SLC25A37: variants seen among roughly 807,000 people sequenced by gnomAD.
SLC25A37 encodes the protein mitoferrin-1.
Under a neutral mutation model 31.0 loss-of-function variants are expected in SLC25A37, and 17 were observed. The observed-to-expected ratio is 0.55, with a 90% confidence interval of 0.38 to 0.82. The LOEUF (loss-of-function observed/expected upper bound fraction) is 0.82. Among genes scored for constraint, SLC25A37 ranks in the 40% least tolerant of loss-of-function variants. SLC25A37 has a pLI of 0.00. For missense variants in SLC25A37, 404 were observed against 465.8 expected (o/e 0.87, Z 1.22); for synonymous variants, 222 against 193.0 (o/e 1.15, Z -1.24).
rs1802824246 is a variant in SLC25A37 at position 23,571,316 on chromosome 8, C to T, written c.497-19C>T. 1.3e-6 allele frequency: 2 copies of T among 1,532,586 alleles called. No homozygotes were observed. The highest frequency in any genetic ancestry group is 2.0e-5 in the Admixed American group (1 of 50,630). The allele number at this position is 1,532,586 out of a possible 1,614,324, so 94.9% of individuals were successfully genotyped here. A position where few individuals can be genotyped will look rare whatever the true frequency, so the allele number is the denominator to read the frequency against. On this transcript the variant is annotated intron_variant, in intron 3 of 3. Transcript: ENST00000519973. The stretch of plus-strand genomic sequence containing the variant: ...CCCACTGGCTGTCCGTCTGGCCTGC[C>T]CCGCGGTTCCAACCACAGTGGTGAA...
rs1409916774 is a variant in SLC25A37, at chr8:23,572,036, A to T, written c.*181A>T. The T allele has an allele frequency of 1.7e-5, 11 of 666,170 alleles. No homozygotes were observed. Among genetic ancestry groups the T allele is most frequent in the Non-Finnish European group, 2.7e-5 (11 of 401,370 alleles). 41.3% of individuals were successfully genotyped at this position (666,170 alleles called of 1,614,324 possible). A position where few individuals can be genotyped will look rare whatever the true frequency, so the allele number is the denominator to read the frequency against. ...GCTCACCGGAAGGCTGTGTGCGGGG[A>T]CATCCGAGGTGGTGGTGGACAGGAA... On this transcript the variant is annotated 3_prime_UTR_variant, in exon 4 of 4. Transcript: ENST00000519973.
intron 2 of SLC25A37, chr8:23,567,707 CCTGGTT>C (rs1308571384): frequency 1.3e-5 from 2 of 152,376 alleles, no homozygotes; most frequent in Non-Finnish European, 2.9e-5. Flanking sequence ...TTTTGAGGTT[CCTGGTT>C]CTTGAAGCCA....
At chr8:23,556,813 C>T (rs1318030029) in intron 1 of SLC25A37, among the ~76,000 whole-genome samples, 1 of 152,030 alleles carries the variant, frequency 6.6e-6, no homozygotes, top group African/African-American at 2.4e-5. Flanking sequence ...TTGCCTGCGA[C>T]GTGTGGGAAT....
chr8:23,535,310 T>C (rs1444421535), intron 1 of SLC25A37, among the ~76,000 whole-genome samples: 1 of 151,918 alleles, frequency 6.6e-6, no homozygotes, highest in East Asian at 1.9e-4. Context: ...TTCACGAGGG[T>C]CCTGTTGCCC....
intron 1 of SLC25A37, among the ~76,000 whole-genome samples, chr8:23,531,052 C>CGCT (rs909456997): frequency 1.3e-5 from 2 of 152,172 alleles, no homozygotes; most frequent in African/African-American, 4.8e-5. Flanking sequence ...GTAGAAGGAG[C>CGCT]CGGTCTGGTT....
At chr8:23,542,891 A>G (rs1025392704) in intron 1 of SLC25A37, among the ~76,000 whole-genome samples, 1 of 152,084 alleles carries the variant, frequency 6.6e-6, no homozygotes, top group African/African-American at 2.4e-5. Flanking sequence ...GTAAAAAAAT[A>G]AAAAATGTTA....
chr8:23,564,828 T>C (rs1802609390), intron 1 of SLC25A37, among the ~76,000 whole-genome samples: 1 of 151,848 alleles, frequency 6.6e-6, no homozygotes, highest in Non-Finnish European at 1.5e-5. Flanking sequence ...TCTATATCTG[T>C]CTGTCTGTCT....
intron 1 of SLC25A37, among the ~76,000 whole-genome samples, chr8:23,554,747 G>A (rs530419631): frequency 6.6e-6 from 1 of 152,306 alleles, no homozygotes; most frequent in South Asian, 2.1e-4. Context: ...AAATCTAACT[G>A]GTATGTGATG....
chr8:23,574,474 C>CA lies in SLC25A37; in HGVS notation c.*2624dup, dbSNP rs1802938569. 6.5e-6 allele frequency: 1 copy of CA among 153,314 alleles called. No homozygotes were observed. Among genetic ancestry groups the CA allele is most frequent in the South Asian group, 2.1e-4 (1 of 4,878 alleles). The allele number at this position is 153,314 out of a possible 1,614,324, so 9.5% of individuals were successfully genotyped here. A position where few individuals can be genotyped will look rare whatever the true frequency, so the allele number is the denominator to read the frequency against. ...GAGTGACTCTGTCAAAAAGGAAAGG[C>CA]AAAAACCGGACCCTGGAGCTCTGTG... On this transcript the variant is annotated 3_prime_UTR_variant, in exon 4 of 4. Transcript: ENST00000519973.
intron 1 of SLC25A37, among the ~76,000 whole-genome samples, chr8:23,534,324 G>T (rs1801721470): frequency 6.6e-6 from 1 of 152,072 alleles, no homozygotes. Flanking sequence ...TACTGAGATG[G>T]ATTTCCCACC....
chr8:23,573,642 T>A lies in SLC25A37; in HGVS notation c.*1787T>A, dbSNP rs1369076214. The stretch of plus-strand genomic sequence containing the variant: ...GCACACAGTGCCTTGGGGAGTAGAT[T>A]TTGCCCTAATAGCGATGAAGAATTT... On this transcript the variant is annotated 3_prime_UTR_variant, in exon 4 of 4. Transcript: ENST00000519973. 1 of 377,686 alleles carries A rather than the reference T, an allele frequency of 2.6e-6. No individual in the cohort carries two copies. The highest frequency in any genetic ancestry group is 2.1e-5 in the African/African-American group (1 of 48,014). 23.4% of individuals were successfully genotyped at this position (377,686 alleles called of 1,614,324 possible).
chr8:23,551,841 T>G (rs1802234837), intron 1 of SLC25A37, among the ~76,000 whole-genome samples: 1 of 152,150 alleles, frequency 6.6e-6, no homozygotes, highest in South Asian at 2.1e-4. Flanking sequence ...GGCCTATATA[T>G]TCCATCAGAA....
intron 1 of SLC25A37, among the ~76,000 whole-genome samples, chr8:23,534,773 G>T (rs1801730951): frequency 6.6e-6 from 1 of 152,198 alleles, no homozygotes; most frequent in South Asian, 2.1e-4. Flanking sequence ...TGTGAGGAGG[G>T]TTAAGCCCTC....
chr8:23,573,532 T>C lies in SLC25A37; in HGVS notation c.*1677T>C, dbSNP rs1810193. 0.59 allele frequency: 155,161 copies of C among 260,786 alleles called. 48,285 individuals carry two copies. The highest frequency in any genetic ancestry group is 0.8 in the African/African-American group (36,517 of 45,394). 16.2% of individuals were successfully genotyped at this position (260,786 alleles called of 1,614,324 possible). ...CCATCACGGTCAGCGTGGTGCATCT[T>C]ACCGAGGAGGCGCAGGCCTGGATTC... On this transcript the variant is annotated 3_prime_UTR_variant, in exon 4 of 4. Transcript: ENST00000519973.
rs1479494664 is a variant in SLC25A37, at chr8:23,572,075, G to A, written c.*220G>A. The A allele has an allele frequency of 2.3e-5, 12 of 531,784 alleles. No individual in the cohort carries two copies. Among genetic ancestry groups the A allele is most frequent in the Non-Finnish European group, 3.9e-5 (12 of 305,226 alleles). The allele number at this position is 531,784 out of a possible 1,614,324, so 32.9% of individuals were successfully genotyped here. ...GGTGGACAGGAAGGACTTGGGAAGGGGAGCGAGAAATTGCTTTTTCTCTTC... is the reference window on the plus strand; with the variant it reads ...GGTGGACAGGAAGGACTTGGGAAGGAGAGCGAGAAATTGCTTTTTCTCTTC... On this transcript the variant is annotated 3_prime_UTR_variant, in exon 4 of 4. Transcript: ENST00000519973.
chr8:23,546,560 ATATATATATATATATATATATAGTG>A (rs1410395659), intron 1 of SLC25A37, among the ~76,000 whole-genome samples: 7 of 77,172 alleles, frequency 9.1e-5, no homozygotes, highest in African/African-American at 1.8e-4. Flanking sequence ...TATAGTGTAT[ATATATATATATATATATATATAGTG>A]TATATATATA....
At chr8:23,548,912 C>G (rs934263037) in intron 1 of SLC25A37, among the ~76,000 whole-genome samples, 1 of 152,204 alleles carries the variant, frequency 6.6e-6, no homozygotes, top group African/African-American at 2.4e-5. Context: ...GTGACACCAG[C>G]CTTCTCGGAG....
rs34534200 is a variant in SLC25A37 at position 23,538,545 on chromosome 8, GTT to G, written c.210+9335_210+9336del. ...GTCGTGTGTGTGTGTGTGTGTGTGT[GTT>G]TGTGTGTGTGTGTAGAACCCAGCAA... is the stretch of plus-strand genomic sequence containing the variant. On this transcript the variant is annotated intron_variant, in intron 1 of 3. Transcript: ENST00000519973. 9.5e-3 allele frequency among the ~76,000 whole-genome samples: 1,428 copies of G among 150,140 alleles called. 25 individuals are homozygous for G. Among genetic ancestry groups the G allele is most frequent in the African/African-American group, 0.032 (1,283 of 40,702 alleles).
Position 23,572,003 on chromosome 8 carries a change from G to C in SLC25A37, c.*148G>C. On this transcript the variant is annotated 3_prime_UTR_variant, in exon 4 of 4. Transcript: ENST00000519973. Reference sequence around the variant, plus strand: ...AATGCCTTAGAGAGAGGAGGGGACGGCACGGCCGCTCACCGGAAGGCTGTG... The same window carrying C: ...AATGCCTTAGAGAGAGGAGGGGACGCCACGGCCGCTCACCGGAAGGCTGTG... 1.2e-6 allele frequency: 1 copy of C among 869,352 alleles called. No individual in the cohort carries two copies. Among genetic ancestry groups the C allele is most frequent in the Non-Finnish European group, 1.7e-6 (1 of 573,666 alleles). The allele number at this position is 869,352 out of a possible 1,614,324, so 53.9% of individuals were successfully genotyped here.
Sources: gnomAD v4.1 joint callset for allele counts (sites outside exome capture counted in the v4.1 genomes callset) on GRCh38, gnomAD v4.1.1 for gene constraint, MANE v1.5 for transcripts, NCBI Gene and HGNC (gene_info 2026-07-23, HGNC 2026-07-21) for gene names.